The following TNRC6A variants were observed in gnomAD, a reference collection of about 807,000 sequenced individuals.
TNRC6A encodes the protein trinucleotide repeat-containing gene 6A protein.
TNRC6A carries 44 observed loss-of-function variants against 221.2 expected under a neutral mutation model. The ratio of observed to expected loss-of-function variants is 0.20; its 90% confidence interval spans 0.16 to 0.26. TNRC6A has a LOEUF of 0.26. Ranked by LOEUF, TNRC6A falls within the 10% of genes least tolerant of loss-of-function variation. The pLI is 1.00. For synonymous variants in TNRC6A, 847 were observed against 838.5 expected (o/e 1.01, Z -0.18); for missense variants, 2,199 against 2,404.4 (o/e 0.91, Z 1.79).
At chr16:24,794,744 T>G in intron 8 of TNRC6A, 25 bp downstream of exon 8, 1 of 1,577,402 alleles carries the variant, frequency 6.3e-7, no homozygotes, top group Non-Finnish European at 8.6e-7. Flanking sequence ...GGCAAAGCCC[T>G]TGAAACTTTA....
chr16:24,818,008 G>A (rs537876627), intron 20 of TNRC6A, among the ~76,000 whole-genome samples: 1 of 152,326 alleles, frequency 6.6e-6, no homozygotes, highest in South Asian at 2.1e-4. Flanking sequence ...GAGCAGAGTG[G>A]ATTGGGTTGG....
At chr16:24,630,662 C>T (rs917736530) in intron 1 of TNRC6A, among the ~76,000 whole-genome samples, 21 of 152,214 alleles carry the variant, frequency 1.4e-4, no homozygotes, top group East Asian at 9.6e-4. Flanking sequence ...CTTTAACCCA[C>T]TCGAATACAG....
At position 24,823,360 on chromosome 16, in the gene TNRC6A, C is replaced by T. The variant is rs1337816017; in HGVS notation, c.5514-72C>T. 8 of 1,519,014 alleles carry T rather than the reference C, an allele frequency of 5.3e-6. No homozygotes were observed. Among genetic ancestry groups the T allele is most frequent in the Admixed American group, 2.0e-5 (1 of 50,234 alleles). 94.1% of individuals were successfully genotyped at this position (1,519,014 alleles called of 1,614,324 possible). ...GCTTTTCTAGCAGAGACAAGTTGCA[C>T]CCTCACTTGTGAGTGAATGAAGCCC... On this transcript the variant is annotated intron_variant, in intron 24 of 24. Transcript: ENST00000395799. The surrounding 1 kb of genome is among the most constrained non-coding windows in gnomAD (Gnocchi z 4.3).
intron 2 of TNRC6A, among the ~76,000 whole-genome samples, chr16:24,685,089 GTC>G (rs146428614): frequency 4.0e-5 from 6 of 150,834 alleles, no homozygotes; most frequent in Non-Finnish European, 4.4e-5. Flanking sequence ...TTCCAGAGGG[GTC>G]TCTCTCTCTC....
chr16:24,643,701 T>A (rs1902118304), intron 2 of TNRC6A, among the ~76,000 whole-genome samples: 1 of 152,136 alleles, frequency 6.6e-6, no homozygotes, highest in Non-Finnish European at 1.5e-5. Flanking sequence ...GTACTGTCCC[T>A]TCCACCACCC....
chr16:24,696,736 A>AAAAAAAAAG (rs1201132695), intron 2 of TNRC6A, among the ~76,000 whole-genome samples: 1 of 146,548 alleles, frequency 6.8e-6, no homozygotes, highest in Non-Finnish European at 1.5e-5. Flanking sequence ...CTCAAAAAAA[A>AAAAAAAAAG]AAAAAAAAAG....
At chr16:24,788,028 G>T (rs1307514627) in intron 5 of TNRC6A, among the ~76,000 whole-genome samples, 1 of 152,190 alleles carries the variant, frequency 6.6e-6, no homozygotes, top group Non-Finnish European at 1.5e-5. Context: ...ACTTATGCAG[G>T]TTAATGGCCC....
At chr16:24,624,320 G>A (rs1268056642) in intron 1 of TNRC6A, among the ~76,000 whole-genome samples, 1 of 152,176 alleles carries the variant, frequency 6.6e-6, no homozygotes, top group Non-Finnish European at 1.5e-5. Flanking sequence ...GAGCAAAAGT[G>A]GGAGGTGCTA....
intron 1 of TNRC6A, among the ~76,000 whole-genome samples, chr16:24,632,751 G>A (rs949702086): frequency 6.6e-6 from 1 of 152,082 alleles, no homozygotes; most frequent in African/African-American, 2.4e-5. Context: ...GCTTTCGCTG[G>A]TAATCCCAGC....
chr16:24,717,913 G>A (rs143058084), intron 2 of TNRC6A, among the ~76,000 whole-genome samples: 57 of 151,428 alleles, frequency 3.8e-4, no homozygotes, highest in African/African-American at 1.2e-3. Context: ...CTGGATTATA[G>A]GCGCGTGCCA....
intron 1 of TNRC6A, among the ~76,000 whole-genome samples, chr16:24,626,129 T>G (rs1900975477): frequency 7.8e-6 from 1 of 128,992 alleles, no homozygotes; most frequent in African/African-American, 2.9e-5. Flanking sequence ...TAGCACACAT[T>G]CAGTTTTTTT....
At chr16:24,698,955 C>T (rs1011870154) in intron 2 of TNRC6A, among the ~76,000 whole-genome samples, 1 of 152,136 alleles carries the variant, frequency 6.6e-6, no homozygotes, top group Non-Finnish European at 1.5e-5. Context: ...GAGATCTGCC[C>T]ACCTTGGCCT....
chr16:24,627,028 T>C (rs938478925), intron 1 of TNRC6A, among the ~76,000 whole-genome samples: 2 of 151,442 alleles, frequency 1.3e-5, no homozygotes, highest in African/African-American at 4.9e-5. Flanking sequence ...AAAGCATCAG[T>C]CCAGATGAGA....
chr16:24,774,569 A>G (rs2057680826), intron 4 of TNRC6A, among the ~76,000 whole-genome samples: 1 of 149,956 alleles, frequency 6.7e-6, no homozygotes, highest in Non-Finnish European at 1.5e-5. Flanking sequence ...AACTGTCACA[A>G]TTTTTTTTTT....
chr16:24,639,138 C>G (rs4788419), intron 1 of TNRC6A, among the ~76,000 whole-genome samples: 2 of 151,824 alleles, frequency 1.3e-5, no homozygotes, highest in Non-Finnish European at 2.9e-5. Flanking sequence ...TAAGAGAGGA[C>G]GTACATAGGG....
intron 2 of TNRC6A, among the ~76,000 whole-genome samples, chr16:24,677,755 T>G (rs1267200298): frequency 1.3e-5 from 2 of 152,192 alleles, no homozygotes; most frequent in African/African-American, 2.4e-5. Context: ...GTACCTAAAA[T>G]AGTGCCTGGT....
At chr16:24,800,031 C>T (rs2058300128) in intron 11 of TNRC6A, among the ~76,000 whole-genome samples, 2 of 152,122 alleles carry the variant, frequency 1.3e-5, no homozygotes, top group South Asian at 2.1e-4. Flanking sequence ...TGTTTGTTTG[C>T]CTGCTAGTTC....
chr16:24,815,617 A>T, intron 19 of TNRC6A: 1 of 332,680 alleles, frequency 3.0e-6, no homozygotes, highest in Non-Finnish European at 5.8e-6. Flanking sequence ...GCACTTTGGG[A>T]GGCCGAGGCG....
At chr16:24,712,907 CTGTGTGTGTGTGTGTGTGTGTG>C (rs61198955) in intron 2 of TNRC6A, among the ~76,000 whole-genome samples, 18 of 126,776 alleles carry the variant, frequency 1.4e-4, no homozygotes, top group Admixed American at 3.2e-4. Flanking sequence ...TTATGTGCCA[CTGTGTGTGTGTGTGTGTGTGTG>C]TGTGTGTGTG....
Sources: allele counts gnomAD v4.1 joint callset (sites outside exome capture counted in the v4.1 genomes callset), GRCh38; gene constraint gnomAD v4.1.1; non-coding constraint Gnocchi (gnomAD v3.1); transcripts MANE v1.5; gene names NCBI Gene and HGNC (gene_info 2026-07-23, HGNC 2026-07-21).